The following STIM2 variants were observed in gnomAD, a reference collection of about 807,000 sequenced individuals.
The protein encoded by STIM2 is stromal interaction molecule 2.
A neutral mutation model predicts 85.8 loss-of-function variants in STIM2; 31 were observed. The observed-to-expected ratio is 0.36, with a 90% CI of 0.27 to 0.49. The LOEUF is 0.49. Ranked by LOEUF, STIM2 falls within the 20% of genes least tolerant of loss-of-function variation. STIM2 has a pLI of 0.98. For missense variants in STIM2, 841 were observed against 927.6 expected, an observed-to-expected ratio of 0.91 and a Z score of 1.21; for synonymous variants, 356 against 331.1, an observed-to-expected ratio of 1.08 and a Z score of -0.82.
intron 3 of STIM2, among the ~76,000 whole-genome samples, chr4:26,961,712 A>G (rs1560221193): frequency 2.0e-5 from 3 of 152,136 alleles, no homozygotes; most frequent in Admixed American, 1.3e-4. Flanking sequence ...TTGACCCAGG[A>G]GTTCTAGAAG....
At chr4:26,974,718 G>T (rs1337962818) in intron 3 of STIM2, among the ~76,000 whole-genome samples, 2 of 152,030 alleles carry the variant, frequency 1.3e-5, no homozygotes, top group Non-Finnish European at 2.9e-5. Flanking sequence ...ATGCGTCTTG[G>T]TGTTGCTCTT....
intron 1 of STIM2, among the ~76,000 whole-genome samples, chr4:26,912,098 G>C (rs1724365161): frequency 6.6e-6 from 1 of 152,136 alleles, no homozygotes; most frequent in Admixed American, 6.5e-5. Context: ...TTGAAGTATT[G>C]AAGTATTTGA....
chr4:27,017,131 C>A (rs143968091), intron 10 of STIM2, among the ~76,000 whole-genome samples: 1 of 152,316 alleles, frequency 6.6e-6, no homozygotes, highest in African/African-American at 2.4e-5. Context: ...CTGCATGAGT[C>A]TCAACTGAGA....
intron 2 of STIM2, among the ~76,000 whole-genome samples, chr4:26,932,835 A>G (rs1379597231): frequency 6.6e-6 from 1 of 152,132 alleles, no homozygotes; most frequent in Admixed American, 6.5e-5. Context: ...TTGAGCACCT[A>G]TTGTCTGCCA....
chr4:26,880,290 G>A (rs1722956522), intron 1 of STIM2, among the ~76,000 whole-genome samples: 1 of 152,112 alleles, frequency 6.6e-6, no homozygotes, highest in South Asian at 2.1e-4. Flanking sequence ...TCTGGATGCA[G>A]TATATTTTTG....
At position 26,956,966 on chromosome 4, in the gene STIM2, A is replaced by G. The variant is rs180784314; in HGVS notation, c.283-646A>G. On this transcript the variant is annotated intron_variant, in intron 2 of 11. Coordinates refer to ENST00000467087, the MANE Select transcript of STIM2 (RefSeq NM_020860.4). ...CCTTATAGGACTGTCGTAAAGGTAA[A>G]TGACTTTCTCTGTATGGACAGATAT... Among the ~76,000 whole-genome samples the G allele has an allele frequency of 5.0e-4, 76 of 152,230 alleles. 1 individual carries two copies. Among genetic ancestry groups the G allele is most frequent in the African/African-American group, 1.8e-3 (76 of 41,544 alleles).
At chr4:27,012,392 CTATCTT>C (rs1560240076) in intron 10 of STIM2, among the ~76,000 whole-genome samples, 1 of 151,796 alleles carries the variant, frequency 6.6e-6, no homozygotes, top group Non-Finnish European at 1.5e-5. Flanking sequence ...GAGATCTTTT[CTATCTT>C]TAAGTAAAAT....
chr4:27,022,947 G>T lies in STIM2; in HGVS notation c.2192G>T (p.Ser731Ile), dbSNP rs1262528004. The stretch of plus-strand genomic sequence containing the variant: ...GACCTTTGTCATAATGGAGAGAAAA[G>T]CAAAAAGCCATCAAAAATCAAAAGC... The change falls in exon 12 of 12, where the codon AGC becomes ATC. Residue 731 changes from serine to isoleucine, a missense_variant. Ser to Ile is a moderately radical substitution (Grantham distance 142). Around this residue, in one of 3 missense-constraint regions of STIM2, gnomAD observed 293 missense variants for 284.5 expected, o/e 1.03. Coordinates refer to ENST00000467087, the MANE Select transcript of STIM2 (RefSeq NM_020860.4). 1 of 1,613,210 alleles carries T rather than the reference G, an allele frequency of 6.2e-7. No homozygotes were observed. Among genetic ancestry groups the T allele is most frequent in the Admixed American group, 1.7e-5 (1 of 59,770 alleles).
intron 3 of STIM2, among the ~76,000 whole-genome samples, chr4:26,962,342 A>G (rs1726506037): frequency 6.6e-6 from 1 of 152,222 alleles, no homozygotes; most frequent in Non-Finnish European, 1.5e-5. Flanking sequence ...AAGTTCGGCC[A>G]TATTCAAAGT....
Position 27,017,975 on chromosome 4 carries a change from A to G in STIM2, c.1754A>G (p.Glu585Gly). Residue 585 changes from glutamate (E) to glycine (G), a missense_variant, in exon 11 of 12, where the codon GAA becomes GGA. This residue lies in a region of STIM2 where 293 missense variants were observed against 284.5 expected (regional missense o/e 1.03). Transcript: ENST00000467087. ...GAAGAGGCCATTTACTTCTCTGCTG[A>G]AAAGCAATGGTATTGGCAGTGAATA... 6.2e-7 allele frequency: 1 copy of G among 1,614,150 alleles called. No homozygotes were observed. Among genetic ancestry groups the G allele is most frequent in the East Asian group, 2.2e-5 (1 of 44,878 alleles).
At chr4:26,977,633 T>G (rs1727245740) in intron 3 of STIM2, among the ~76,000 whole-genome samples, 1 of 152,146 alleles carries the variant, frequency 6.6e-6, no homozygotes, top group Admixed American at 6.5e-5. Flanking sequence ...TGGAATTGAA[T>G]TCAGGTTACT....
chr4:26,975,180 C>T (rs1577473671), intron 3 of STIM2, among the ~76,000 whole-genome samples: 1 of 152,204 alleles, frequency 6.6e-6, no homozygotes, highest in South Asian at 2.1e-4. Flanking sequence ...GCGATGGGTT[C>T]GAACATCCTG....
chr4:26,989,901 A>G (rs532354458), intron 3 of STIM2, among the ~76,000 whole-genome samples: 1 of 152,280 alleles, frequency 6.6e-6, no homozygotes, highest in African/African-American at 2.4e-5. Flanking sequence ...GAATTTAACC[A>G]AGGAAGTGAA....
intron 1 of STIM2, among the ~76,000 whole-genome samples, chr4:26,902,637 A>G (rs1723966714): frequency 6.6e-6 from 1 of 152,200 alleles, no homozygotes; most frequent in African/African-American, 2.4e-5. Flanking sequence ...ATTTTAGATC[A>G]TTCAAAATCA....
At chr4:26,928,445 G>C (rs1725070423) in intron 2 of STIM2, among the ~76,000 whole-genome samples, 1 of 152,140 alleles carries the variant, frequency 6.6e-6, no homozygotes. Context: ...GCAGATATTT[G>C]ACAGCCTATT....
chr4:26,961,979 G>A (rs1460446061), intron 3 of STIM2, among the ~76,000 whole-genome samples: 1 of 152,040 alleles, frequency 6.6e-6, no homozygotes, highest in Non-Finnish European at 1.5e-5. Flanking sequence ...TCCAGCTCCT[G>A]GCCTCAAGCA....
chr4:26,889,271 C>T (rs533331855), intron 1 of STIM2, among the ~76,000 whole-genome samples: 29 of 152,270 alleles, frequency 1.9e-4, no homozygotes, highest in Middle Eastern at 3.4e-3. Context: ...TTGCTGACAA[C>T]GTAACTGAGT....
chr4:26,887,182 A>AC (rs1723282664), intron 1 of STIM2, among the ~76,000 whole-genome samples: 1 of 117,112 alleles, frequency 8.5e-6, no homozygotes, highest in African/African-American at 3.1e-5. Flanking sequence ...AAATAATTAA[A>AC]CTTTTTTTTT....
chr4:26,946,273 A>G (rs1725828597), intron 2 of STIM2, among the ~76,000 whole-genome samples: 1 of 152,228 alleles, frequency 6.6e-6, no homozygotes. Flanking sequence ...CCTTATATCA[A>G]AAATAAACCA....
Sources: allele counts gnomAD v4.1 joint callset (sites outside exome capture counted in the v4.1 genomes callset), GRCh38; gene constraint gnomAD v4.1.1; regional missense constraint gnomAD v4.1.1; transcripts MANE v1.5; gene names NCBI Gene and HGNC (gene_info 2026-07-23, HGNC 2026-07-21).